The following FUT9 variants were observed in gnomAD, a reference collection of about 807,000 sequenced individuals.
FUT9 encodes the protein fucosyltransferase 9, also known as 4-galactosyl-N-acetylglucosaminide 3-alpha-L-fucosyltransferase 9.
Under a neutral mutation model 29.7 loss-of-function variants are expected in FUT9, and 15 were observed. The ratio of observed to expected loss-of-function variants is 0.51; its 90% CI spans 0.34 to 0.78. FUT9 has a LOEUF of 0.78. FUT9 is among the 30% of genes least tolerant of loss of function. The pLI is 0.01. For synonymous variants in FUT9, 169 were observed against 153.7 expected (o/e 1.10, Z -0.74); for missense variants, 319 against 425.4 (o/e 0.75, Z 2.20).
intron 1 of FUT9, among the ~76,000 whole-genome samples, chr6:96,100,620 C>G (rs1295267869): frequency 6.6e-6 from 1 of 152,112 alleles, no homozygotes; most frequent in Non-Finnish European, 1.5e-5. Flanking sequence ...AAATGGAGAA[C>G]AGAGCTGTAT....
At position 96,210,868 on chromosome 6, in the gene FUT9, G is replaced by A. The variant is rs546092038; in HGVS notation, c.*6633G>A. ...CCAAGGTCTGCCATTCACTAGCTAT[G>A]TGCAAGTTACTCAACTTCTCTTATC... On this transcript the variant is annotated 3_prime_UTR_variant, in exon 3 of 3. Coordinates refer to ENST00000302103, the MANE Select transcript of FUT9 (RefSeq NM_006581.4). The A allele has an allele frequency of 6.0e-6, 1 of 166,872 alleles. No homozygotes were observed. The highest frequency in any genetic ancestry group is 2.1e-4 in the South Asian group (1 of 4,826). 10.3% of individuals were successfully genotyped at this position (166,872 alleles called of 1,614,324 possible). A position where few individuals can be genotyped will look rare whatever the true frequency, so the allele number is the denominator to read the frequency against.
chr6:96,096,323 C>T (rs1209463681), intron 1 of FUT9, among the ~76,000 whole-genome samples: 2 of 152,022 alleles, frequency 1.3e-5, no homozygotes, highest in Non-Finnish European at 2.9e-5. Flanking sequence ...CTAATCCAAC[C>T]CCCCAGGATC....
intron 2 of FUT9, among the ~76,000 whole-genome samples, chr6:96,197,920 C>A (rs1013394035): frequency 6.6e-6 from 1 of 152,122 alleles, no homozygotes; most frequent in Non-Finnish European, 1.5e-5. Context: ...GGATTCAATA[C>A]CTACCTCCAC....
intron 1 of FUT9, among the ~76,000 whole-genome samples, chr6:96,035,881 TTATGTTTATTATATTAATATAATATAA>T (rs1562103077): frequency 4.9e-4 from 52 of 105,316 alleles, no homozygotes; most frequent in African/African-American, 1.6e-3. Context: ...ATATAATACA[TTATGTTTATTATATTAATATAATATAA>T]TACATTATGT....
chr6:96,037,312 A>G (rs1262199062), intron 1 of FUT9: 3 of 152,084 alleles, frequency 2.0e-5, no homozygotes, highest in Non-Finnish European at 4.4e-5. Flanking sequence ...TTACAAACCT[A>G]GGAATTGCAT....
At chr6:96,057,230 A>C (rs1770787430) in intron 1 of FUT9, among the ~76,000 whole-genome samples, 1 of 152,236 alleles carries the variant, frequency 6.6e-6, no homozygotes, top group Non-Finnish European at 1.5e-5. Context: ...GGATAGATGA[A>C]AACAGCTACA....
Position 96,194,693 on chromosome 6 carries a change from A to C in FUT9, c.-8-8455A>C, listed in dbSNP as rs1009660300. Among the ~76,000 whole-genome samples, 4 of 88,686 alleles carry C rather than the reference A, an allele frequency of 4.5e-5. No individual in the cohort carries two copies. The South Asian group carries it at 1.6e-3, about 37-fold the overall frequency. 58.2% of individuals were successfully genotyped at this position (88,686 alleles called of 152,430 possible). A position where few individuals can be genotyped will look rare whatever the true frequency, so the allele number is the denominator to read the frequency against. On this transcript the variant is annotated intron_variant, in intron 2 of 2. Coordinates refer to ENST00000302103, the MANE Select transcript of FUT9 (RefSeq NM_006581.4). ...GCTAGTAATCTATCAGCCCAAAATG[A>C]GAGTTTTGGATTTTTTTTTTTTTTA...
At chr6:96,202,359 CT>C (rs955104766) in intron 2 of FUT9, among the ~76,000 whole-genome samples, 7 of 151,800 alleles carry the variant, frequency 4.6e-5, no homozygotes, top group African/African-American at 1.5e-4. Context: ...CAAAGAAAAA[CT>C]TTTTTAAAGC....
chr6:96,188,946 C>A (rs1466625210), intron 2 of FUT9, among the ~76,000 whole-genome samples: 1 of 151,936 alleles, frequency 6.6e-6, no homozygotes, highest in Non-Finnish European at 1.5e-5. Context: ...CCTTATGAGC[C>A]TGGTTACAAT....
intron 2 of FUT9, among the ~76,000 whole-genome samples, chr6:96,202,210 T>G (rs1388570471): frequency 6.6e-6 from 1 of 152,020 alleles, no homozygotes; most frequent in Non-Finnish European, 1.5e-5. Context: ...TGAAAACACT[T>G]TTTTCTTTAA....
intron 1 of FUT9, among the ~76,000 whole-genome samples, chr6:96,090,451 C>T (rs2127953650): frequency 6.6e-6 from 1 of 151,600 alleles, no homozygotes; most frequent in African/African-American, 2.4e-5. Context: ...ATTTTATAAG[C>T]AACAGGAAAT....
chr6:96,057,261 C>T (rs564217664), intron 1 of FUT9, among the ~76,000 whole-genome samples: 31 of 152,004 alleles, frequency 2.0e-4, no homozygotes, highest in Non-Finnish European at 3.5e-4. Context: ...TACTATCAAC[C>T]TTTTATTTTT....
chr6:96,161,520 T>C (rs1310148688), intron 2 of FUT9, among the ~76,000 whole-genome samples: 1 of 152,276 alleles, frequency 6.6e-6, no homozygotes, highest in Non-Finnish European at 1.5e-5. Flanking sequence ...TAGATATAGG[T>C]AGAGACAGAT....
At chr6:96,019,714 T>G (rs1383445574) in intron 1 of FUT9, among the ~76,000 whole-genome samples, 1 of 152,102 alleles carries the variant, frequency 6.6e-6, no homozygotes, top group African/African-American at 2.4e-5. Flanking sequence ...TGACTGATTG[T>G]GTAAAATTCA....
Position 96,215,303 on chromosome 6 carries a change from T to C in FUT9, c.*11068T>C, listed in dbSNP as rs1774016810. 6.0e-6 allele frequency: 1 copy of C among 167,036 alleles called. No individual in the cohort carries two copies. Among genetic ancestry groups the C allele is most frequent in the Non-Finnish European group, 1.5e-5 (1 of 68,092 alleles). 10.3% of individuals were successfully genotyped at this position (167,036 alleles called of 1,614,324 possible). On this transcript the variant is annotated 3_prime_UTR_variant, in exon 3 of 3. Coordinates refer to ENST00000302103, the MANE Select transcript of FUT9 (RefSeq NM_006581.4). ...CTGTCACAACATGGATTCCTTCTCA[T>C]GGATGTCTTTCTAGGCTTATAAATA...
intron 1 of FUT9, among the ~76,000 whole-genome samples, chr6:96,103,738 G>A (rs138523518): frequency 3.3e-4 from 51 of 152,242 alleles, no homozygotes; most frequent in South Asian, 1.0e-3. Context: ...CCTGTCCAGT[G>A]TGATTTTCAT....
chr6:96,103,739 T>G (rs1402806992), intron 1 of FUT9, among the ~76,000 whole-genome samples: 1 of 152,220 alleles, frequency 6.6e-6, no homozygotes, highest in Non-Finnish European at 1.5e-5. Flanking sequence ...CTGTCCAGTG[T>G]GATTTTCATC....
chr6:96,031,250 C>T (rs1449863745), intron 1 of FUT9, among the ~76,000 whole-genome samples: 1 of 151,368 alleles, frequency 6.6e-6, no homozygotes, highest in Non-Finnish European at 1.5e-5. Flanking sequence ...TGTAAACAAC[C>T]TAATTTTGGT....
intron 1 of FUT9, among the ~76,000 whole-genome samples, chr6:96,099,249 G>A (rs1452153068): frequency 6.6e-6 from 1 of 152,048 alleles, no homozygotes; most frequent in Non-Finnish European, 1.5e-5. Context: ...ATTTCTTTGT[G>A]CCTCACTTAC....
Sources: gnomAD v4.1 joint callset for allele counts (sites outside exome capture counted in the v4.1 genomes callset) on GRCh38, gnomAD v4.1.1 for gene constraint, MANE v1.5 for transcripts, NCBI Gene and HGNC (gene_info 2026-07-23, HGNC 2026-07-21) for gene names.